The following RYR2 variants were observed in gnomAD, a reference collection of about 807,000 sequenced individuals.
RYR2 encodes the protein ryanodine receptor 2.
RYR2 carries 227 observed loss-of-function variants against 601.1 expected under a neutral mutation model. That is an observed-to-expected ratio of 0.38 (90% confidence interval 0.34 to 0.42). The LOEUF (loss-of-function observed/expected upper bound fraction) is 0.42, where lower values mean the gene tolerates loss of function less well. RYR2 is among the 10% of genes least tolerant of loss of function. The pLI is 1.00. For synonymous variants in RYR2, 2,223 were observed against 2,175.1 expected (o/e 1.02, Z -0.61); for missense variants, 4,646 against 6,156.5 (o/e 0.75, Z 8.21).
chr1:237,699,466 T>C (rs185610507), intron 64 of RYR2, among the ~76,000 whole-genome samples: 1 of 152,210 alleles, frequency 6.6e-6, no homozygotes, highest in Non-Finnish European at 1.5e-5. Context: ...CGAATTCCCA[T>C]CTGTGTGCTT....
chr1:237,763,569 A>G (rs933847763), intron 84 of RYR2, among the ~76,000 whole-genome samples: 1 of 152,230 alleles, frequency 6.6e-6, no homozygotes, highest in African/African-American at 2.4e-5. Context: ...TCAAACTAAT[A>G]TACTAGCAAA....
intron 1 of RYR2, among the ~76,000 whole-genome samples, chr1:237,222,344 C>T (rs1313383377): frequency 1.3e-5 from 2 of 150,684 alleles, no homozygotes; most frequent in South Asian, 4.2e-4. Flanking sequence ...ACCTGGGAGG[C>T]GGAGCTTGCA....
At chr1:237,477,955 T>C (rs942037424) in intron 17 of RYR2, among the ~76,000 whole-genome samples, 2 of 152,150 alleles carry the variant, frequency 1.3e-5, no homozygotes, top group Non-Finnish European at 2.9e-5. Context: ...ATAGTGAAAG[T>C]AGTCTTGATG....
At chr1:237,216,744 C>G (rs1425481331) in intron 1 of RYR2, among the ~76,000 whole-genome samples, 2 of 147,746 alleles carry the variant, frequency 1.4e-5, no homozygotes, top group African/African-American at 5.1e-5. Flanking sequence ...TCTTAAAACA[C>G]CCCCCACCAA....
chr1:237,092,845 T>C (rs1667121412), intron 1 of RYR2, among the ~76,000 whole-genome samples: 1 of 152,206 alleles, frequency 6.6e-6, no homozygotes, highest in African/African-American at 2.4e-5. Context: ...ATAGTCTTAT[T>C]ATTATTTCAA....
intron 1 of RYR2, among the ~76,000 whole-genome samples, chr1:237,063,734 G>C (rs1279124878): frequency 6.6e-6 from 1 of 152,092 alleles, no homozygotes; most frequent in Admixed American, 6.6e-5. Context: ...GCTGTCATCT[G>C]GGATCATTTT....
intron 2 of RYR2, among the ~76,000 whole-genome samples, chr1:237,292,150 T>C (rs1378008483): frequency 6.6e-6 from 1 of 152,134 alleles, no homozygotes; most frequent in African/African-American, 2.4e-5. Flanking sequence ...TGTTCGGCAG[T>C]AGAGAAATTG....
intron 29 of RYR2, among the ~76,000 whole-genome samples, chr1:237,588,357 A>G (rs1374247554): frequency 6.6e-6 from 1 of 152,184 alleles, no homozygotes; most frequent in East Asian, 1.9e-4. Flanking sequence ...TAATTTCAGT[A>G]AGAGAAAAGT....
At chr1:237,094,973 T>C (rs1667369978) in intron 1 of RYR2, among the ~76,000 whole-genome samples, 1 of 152,180 alleles carries the variant, frequency 6.6e-6, no homozygotes, top group Non-Finnish European at 1.5e-5. Flanking sequence ...GTGCTAAACA[T>C]AGTGTGTGAT....
intron 82 of RYR2, 75 bp from the exon 83 acceptor site, chr1:237,759,701 G>A: frequency 1.1e-6 from 1 of 886,058 alleles, no homozygotes; most frequent in Non-Finnish European, 1.9e-6. Context: ...TGGAAAGCCT[G>A]TTTTGGTTGT....
At chr1:237,075,366 C>G (rs58648144) in intron 1 of RYR2, among the ~76,000 whole-genome samples, 24,360 of 143,164 alleles carry the variant, frequency 0.17, 2,910 homozygotes, top group African/African-American at 0.36. Flanking sequence ...CTGAGGTACC[C>G]GGTTCATCTC....
intron 1 of RYR2, among the ~76,000 whole-genome samples, chr1:237,123,650 A>AT (rs869177997): frequency 0.015 from 1,209 of 78,976 alleles, 173 homozygotes; most frequent in African/African-American, 0.03. Flanking sequence ...ATCAGTCACT[A>AT]TTTTTTTTTT....
At chr1:237,446,703 C>T (rs1708372284) in intron 14 of RYR2, among the ~76,000 whole-genome samples, 1 of 152,126 alleles carries the variant, frequency 6.6e-6, no homozygotes, top group Non-Finnish European at 1.5e-5. Flanking sequence ...CAGCATTTGG[C>T]CACACATCCT....
intron 78 of RYR2, among the ~76,000 whole-genome samples, chr1:237,732,660 A>G (rs565331814): frequency 1.3e-5 from 2 of 152,270 alleles, no homozygotes; most frequent in African/African-American, 2.4e-5. Flanking sequence ...CCTTAGTCAT[A>G]TGAATTCACC....
At chr1:237,066,002 C>A (rs1024162705) in intron 1 of RYR2, among the ~76,000 whole-genome samples, 2 of 152,194 alleles carry the variant, frequency 1.3e-5, no homozygotes, top group Non-Finnish European at 2.9e-5. Flanking sequence ...CCAGTCACCC[C>A]CAACCAGACC....
At chr1:237,772,125 CAAATT>C in intron 86 of RYR2, 25 bp downstream of exon 86, 1 of 1,258,586 alleles carries the variant, frequency 7.9e-7, no homozygotes, top group South Asian at 1.3e-5. Context: ...ATATTAGTAA[CAAATT>C]AAAAGGGTTG....
At chr1:237,813,756 T>C (rs1028336128) in intron 100 of RYR2, among the ~76,000 whole-genome samples, 4 of 152,220 alleles carry the variant, frequency 2.6e-5, no homozygotes, top group African/African-American at 9.6e-5. Context: ...GCCTAGATTT[T>C]TTTCAGTTTG....
chr1:237,690,954 G>C (rs763944948), intron 63 of RYR2, among the ~76,000 whole-genome samples: 1 of 152,144 alleles, frequency 6.6e-6, no homozygotes, highest in Non-Finnish European at 1.5e-5. Context: ...TCCAAACAGA[G>C]AGACCCAGTA....
At chr1:237,552,999 C>G (rs1670555748) in intron 27 of RYR2, among the ~76,000 whole-genome samples, 1 of 151,912 alleles carries the variant, frequency 6.6e-6, no homozygotes, top group Non-Finnish European at 1.5e-5. Context: ...ATAGAAGAAC[C>G]ATGTCAGGTA....
Sources: gnomAD v4.1 joint callset for allele counts (sites outside exome capture counted in the v4.1 genomes callset) on GRCh38, gnomAD v4.1.1 for gene constraint, MANE v1.5 for transcripts, NCBI Gene and HGNC (gene_info 2026-07-23, HGNC 2026-07-21) for gene names.